Variants in ADGRV1 observed in about 807,000 individuals in gnomAD.
ADGRV1 encodes G-protein coupled receptor 98.
ADGRV1 carries 359 observed loss-of-function variants against 596.2 expected under a neutral mutation model. The ratio of observed to expected loss-of-function variants is 0.60; its 90% CI spans 0.55 to 0.66. ADGRV1 has a LOEUF of 0.66. Ranked by LOEUF, ADGRV1 falls within the 30% of genes least tolerant of loss-of-function variation. ADGRV1 has a pLI of 0.00. For synonymous variants in ADGRV1, 2,681 were observed against 2,679.2 expected, an observed-to-expected ratio of 1.00 and a Z score of -0.02; for missense variants, 7,274 against 7,575.6, an observed-to-expected ratio of 0.96 and a Z score of 1.48.
Position 90,706,322 on chromosome 5 carries a change from T to G in ADGRV1, c.8658T>G (p.Phe2886Leu). 6.2e-7 allele frequency: 1 copy of G among 1,613,402 alleles called. No homozygotes were observed. The highest frequency in any genetic ancestry group is 1.1e-5 in the South Asian group (1 of 90,966). Residue 2886 changes from phenylalanine (F) to leucine (L), a missense_variant, in exon 38 of 90, where the codon TTT (phenylalanine) becomes TTG (leucine). This residue lies in a region of ADGRV1 where 3,643 missense variants were observed against 3,809.2 expected (regional missense o/e 0.96). Coordinates refer to ENST00000405460, the MANE Select transcript of ADGRV1 (RefSeq NM_032119.4). ...VGNLAEPEVDFVPIIGFLILE... is the reference protein window; with the variant it reads ...VGNLAEPEVDLVPIIGFLILE... ...ACCTAGCAGAGCCAGAAGTTGATTT[T>G]GTCCCTATCATTGGCTTTCTGATTT...
chr5:90,805,150 C>A, intron 71 of ADGRV1, 134 bp from the exon 72 acceptor site: 1 of 501,582 alleles, frequency 2.0e-6, no homozygotes, highest in Non-Finnish European at 3.3e-6. Context: ...ATTTCTTAAG[C>A]ACTTCTCTTT....
chr5:90,705,814 A>G (rs542117496), intron 37 of ADGRV1, among the ~76,000 whole-genome samples: 3 of 152,322 alleles, frequency 2.0e-5, no homozygotes, highest in South Asian at 4.1e-4. Flanking sequence ...ACAGTAATTT[A>G]GGCTGTCTGT....
At position 90,788,131 on chromosome 5, in the gene ADGRV1, A is replaced by T. The variant is rs727503082; in HGVS notation, c.13714A>T (p.Ile4572Phe). ...QEALLPQNRD[I>F]ADPVSGLFYF... Reference sequence around the variant, plus strand: ...AGCCTTACTGCCACAGAATAGAGACATTGCAGACCCAGTGAGCGGGTTGTT... The same window carrying T: ...AGCCTTACTGCCACAGAATAGAGACTTTGCAGACCCAGTGAGCGGGTTGTT... The change falls in exon 68 of 90, where the codon ATT becomes TTT. Residue 4572 changes from isoleucine (I) to phenylalanine (F), a missense_variant. Physicochemically the swap from Ile to Phe is conservative, Grantham distance 21. Transcript: ENST00000405460. 2 of 1,613,578 alleles carry T rather than the reference A, an allele frequency of 1.2e-6. No individual in the cohort carries two copies. The highest frequency in any genetic ancestry group is 1.7e-6 in the Non-Finnish European group (2 of 1,179,630).
chr5:91,107,896 A>G (rs1792032244), intron 87 of ADGRV1, among the ~76,000 whole-genome samples: 1 of 152,208 alleles, frequency 6.6e-6, no homozygotes, highest in Non-Finnish European at 1.5e-5. Context: ...GGACTGTGAC[A>G]CATAATAGTA....
At chr5:91,038,976 A>G (rs1377948979) in intron 85 of ADGRV1, among the ~76,000 whole-genome samples, 1 of 152,138 alleles carries the variant, frequency 6.6e-6, no homozygotes, top group Non-Finnish European at 1.5e-5. Flanking sequence ...GTTGATTCTA[A>G]TGAGGAGTAT....
rs118144750 is a variant in ADGRV1, at chr5:91,078,790, A to G, written c.18310+6186A>G. Among the ~76,000 whole-genome samples the G allele has an allele frequency of 3.5e-4, 53 of 152,352 alleles. No individual in the cohort carries two copies. The East Asian group carries it at 6.6e-3, about 19-fold the overall frequency. The stretch of plus-strand genomic sequence containing the variant: ...GTAGGTTCCATCCCCAATGGACACC[A>G]CACAGAGTTGAAAACCTGCCTAGCC... On this transcript the variant is annotated intron_variant, in intron 86 of 89. Transcript: ENST00000405460.
chr5:90,883,571 A>C (rs897750844), intron 83 of ADGRV1, among the ~76,000 whole-genome samples: 1 of 152,138 alleles, frequency 6.6e-6, no homozygotes, highest in Non-Finnish European at 1.5e-5. Context: ...ATACTGGTAC[A>C]ATGCTGCCTT....
At chr5:90,672,251 GCA>G (rs906760043) in intron 21 of ADGRV1, among the ~76,000 whole-genome samples, 2 of 152,200 alleles carry the variant, frequency 1.3e-5, no homozygotes, top group African/African-American at 4.8e-5. Context: ...ATAGCATATG[GCA>G]CAGTGGTTGG....
intron 87 of ADGRV1, among the ~76,000 whole-genome samples, chr5:91,138,313 G>A (rs554899186): frequency 3.3e-4 from 50 of 151,584 alleles, no homozygotes; most frequent in Non-Finnish European, 6.8e-4. Context: ...ATTTCTGAGT[G>A]CTAAAATTTG....
At chr5:90,968,671 C>A (rs1287855350) in intron 84 of ADGRV1, among the ~76,000 whole-genome samples, 1 of 152,250 alleles carries the variant, frequency 6.6e-6, no homozygotes, top group South Asian at 2.1e-4. Context: ...CTTCACCAAC[C>A]TACATATTCC....
chr5:90,842,027 G>A (rs1380705618), intron 78 of ADGRV1, among the ~76,000 whole-genome samples: 2 of 152,280 alleles, frequency 1.3e-5, no homozygotes, highest in African/African-American at 2.4e-5. Context: ...GCCCAATGGC[G>A]TAGGACAATG....
At chr5:90,857,986 G>T (rs1767188759) in intron 82 of ADGRV1, among the ~76,000 whole-genome samples, 1 of 151,962 alleles carries the variant, frequency 6.6e-6, no homozygotes, top group Non-Finnish European at 1.5e-5. Context: ...ATTCTAGTTT[G>T]CAGTTCTATT....
At chr5:90,621,569 T>C (rs761984943) in intron 4 of ADGRV1, among the ~76,000 whole-genome samples, 1 of 152,208 alleles carries the variant, frequency 6.6e-6, no homozygotes, top group African/African-American at 2.4e-5. Context: ...TTACTCTCTG[T>C]GTATCACCTC....
At chr5:90,643,482 G>A (rs1452588730) in intron 13 of ADGRV1, among the ~76,000 whole-genome samples, 13 of 152,136 alleles carry the variant, frequency 8.5e-5, no homozygotes, top group Admixed American at 7.2e-4. Flanking sequence ...CAATACATAT[G>A]TAACTCTAAT....
intron 87 of ADGRV1, among the ~76,000 whole-genome samples, chr5:91,137,761 G>T (rs1394416665): frequency 6.6e-6 from 1 of 152,142 alleles, no homozygotes; most frequent in Non-Finnish European, 1.5e-5. Flanking sequence ...TACATGAGTG[G>T]CCATGAAACA....
At chr5:90,685,207 TGTTTA>T (rs141921524) in intron 28 of ADGRV1, among the ~76,000 whole-genome samples, 30,472 of 151,976 alleles carry the variant, frequency 0.2, 3,699 homozygotes, top group East Asian at 0.4. Context: ...AGGGACATTC[TGTTTA>T]GTTTATTTTT....
rs142676110 is a variant in ADGRV1 at position 90,862,988 on chromosome 5, G to A, written c.17756-769G>A. ...ATAACTAAACGGGTAAAAATGCAAA[G>A]CACATGGCAAAGCAGTATACATATG... On this transcript the variant is annotated intron_variant, in intron 82 of 89. Coordinates refer to ENST00000405460, the MANE Select transcript of ADGRV1 (RefSeq NM_032119.4). Among the ~76,000 whole-genome samples the A allele has an allele frequency of 9.4e-4, 143 of 152,228 alleles. 1 individual carries two copies. Among genetic ancestry groups the A allele is most frequent in the African/African-American group, 3.1e-3 (127 of 41,526 alleles).
chr5:91,059,357 G>C (rs1303762747), intron 85 of ADGRV1, among the ~76,000 whole-genome samples: 1 of 152,110 alleles, frequency 6.6e-6, no homozygotes, highest in East Asian at 1.9e-4. Context: ...TCTGGCCTCA[G>C]AGCCTTCATT....
At chr5:91,078,832 G>T (rs1457954961) in intron 86 of ADGRV1, among the ~76,000 whole-genome samples, 1 of 152,212 alleles carries the variant, frequency 6.6e-6, no homozygotes, top group Non-Finnish European at 1.5e-5. Flanking sequence ...GCAGAATTGG[G>T]AGAAATAGTA....
Sources: gnomAD v4.1 joint callset for allele counts (sites outside exome capture counted in the v4.1 genomes callset) on GRCh38, gnomAD v4.1.1 for gene constraint, gnomAD v4.1.1 regional missense constraint, MANE v1.5 for transcripts, NCBI Gene and HGNC (gene_info 2026-07-23, HGNC 2026-07-21) for gene names.